Variants in AGMO observed in about 807,000 individuals in gnomAD.
AGMO encodes glyceryl-ether monooxygenase.
A neutral mutation model predicts 60.2 loss-of-function variants in AGMO; 75 were observed. That is an observed-to-expected ratio of 1.25 (90% confidence interval 1.03 to 1.51). The LOEUF (loss-of-function observed/expected upper bound fraction) is 1.51. Among genes scored for constraint, AGMO ranks in the 40% most tolerant of loss-of-function variants. The probability of loss-of-function intolerance (pLI) is 0.00; values close to 1 mark genes in which losing one functional copy is unlikely to be tolerated. For missense variants in AGMO, 763 were observed against 525.5 expected, an observed-to-expected ratio of 1.45 and a Z score of -4.42; for synonymous variants, 261 against 177.1, an observed-to-expected ratio of 1.47 and a Z score of -3.76.
intron 5 of AGMO, 73 bp downstream of exon 5, chr7:15,418,485 T>C: frequency 1.1e-6 from 1 of 877,106 alleles, no homozygotes; most frequent in South Asian, 1.5e-5. Flanking sequence ...ATAAATCATC[T>C]GCTAGTGGAT....
intron 12 of AGMO, among the ~76,000 whole-genome samples, chr7:15,340,045 A>G (rs76052343): frequency 0.011 from 1,646 of 152,306 alleles, 33 homozygotes; most frequent in African/African-American, 0.034. Flanking sequence ...AAGTTGCTTG[A>G]GACTAGAAGT....
intron 5 of AGMO, among the ~76,000 whole-genome samples, chr7:15,398,716 T>A (rs953328071): frequency 1.1e-4 from 16 of 152,170 alleles, no homozygotes; most frequent in African/African-American, 3.6e-4. Context: ...TTTGTATTAA[T>A]TTTTTAGACA....
chr7:15,189,805 T>C, the AGMO span, among the ~76,000 whole-genome samples: 3 of 150,620 alleles, frequency 2.0e-5, no homozygotes, highest in East Asian at 3.9e-4. Flanking sequence ...TTTAAGCTGA[T>C]AGTTTACAGT....
Position 15,276,974 on chromosome 7 carries a change from T to C in AGMO, c.1264-75615A>G, listed in dbSNP as rs529918160. 2.0e-5 allele frequency among the ~76,000 whole-genome samples: 3 copies of C among 152,036 alleles called. No homozygotes were observed. In the East Asian group the frequency reaches 5.8e-4, roughly 29 times the overall value. The stretch of plus-strand genomic sequence containing the variant: ...GTTTCTTTGTGTTGGTTTCCAATCT[T>C]CTCTTGAATCTCATTGAGTTTTCTT... On this transcript the variant is annotated intron_variant, in intron 12 of 12. Transcript: ENST00000342526.
chr7:15,545,017 C>T, intron 2 of AGMO, 94 bp from the exon 3 acceptor site: 1 of 903,874 alleles, frequency 1.1e-6, no homozygotes. Flanking sequence ...TTAATATCTT[C>T]ATATAAAAAA....
chr7:15,314,500 T>C (rs1583396426), intron 12 of AGMO, among the ~76,000 whole-genome samples: 1 of 152,286 alleles, frequency 6.6e-6, no homozygotes, highest in East Asian at 1.9e-4. Context: ...TATTGTACTT[T>C]AAATCACATT....
chr7:15,392,660 G>A (rs1320966243), intron 6 of AGMO, among the ~76,000 whole-genome samples: 6 of 151,946 alleles, frequency 3.9e-5, no homozygotes, highest in Non-Finnish European at 8.8e-5. Context: ...TTAACCACAC[G>A]TGGTGGCTGG....
At chr7:15,326,287 A>C (rs1295591963) in intron 12 of AGMO, among the ~76,000 whole-genome samples, 6 of 152,166 alleles carry the variant, frequency 3.9e-5, no homozygotes, top group Non-Finnish European at 8.8e-5. Flanking sequence ...GCTGTATTTG[A>C]TTACTTACTG....
At chr7:15,374,156 A>G (rs1221429921) in intron 10 of AGMO, among the ~76,000 whole-genome samples, 1 of 151,598 alleles carries the variant, frequency 6.6e-6, no homozygotes, top group African/African-American at 2.4e-5. Context: ...ATGTATAATT[A>G]TATGTGAGTC....
chr7:15,459,281 A>T (rs1782074081), intron 3 of AGMO, among the ~76,000 whole-genome samples: 1 of 152,180 alleles, frequency 6.6e-6, no homozygotes, highest in Admixed American at 6.5e-5. Flanking sequence ...TTTGTAGTGA[A>T]TAAATCAATA....
the AGMO span, among the ~76,000 whole-genome samples, chr7:15,165,372 G>A: frequency 6.6e-6 from 1 of 152,044 alleles, no homozygotes; most frequent in Non-Finnish European, 1.5e-5. Flanking sequence ...TGTACTCCCT[G>A]AATCTATAAA....
chr7:15,559,547 C>G (rs940270437), intron 2 of AGMO, among the ~76,000 whole-genome samples: 4 of 151,956 alleles, frequency 2.6e-5, no homozygotes, highest in African/African-American at 7.3e-5. Flanking sequence ...TAAAGCATGA[C>G]AGGATAAACA....
intron 3 of AGMO, among the ~76,000 whole-genome samples, chr7:15,442,686 G>A (rs932557635): frequency 6.6e-6 from 1 of 151,960 alleles, no homozygotes; most frequent in African/African-American, 2.4e-5. Flanking sequence ...CCACCCCCGG[G>A]GCCTCTACCC....
At position 15,429,900 on chromosome 7, in the gene AGMO, T is replaced by C. The variant is rs181029930; in HGVS notation, c.513+1105A>G. On this transcript the variant is annotated intron_variant, in intron 4 of 12. Coordinates refer to ENST00000342526, the MANE Select transcript of AGMO (RefSeq NM_001004320.2). ...ATCTAGAGAACCATAGGCTTATTTA[T>C]GATGATCAGAAAAGATAACATAAGT... is the stretch of plus-strand genomic sequence containing the variant. Among the ~76,000 whole-genome samples, 322 of 152,158 alleles carry C rather than the reference T, an allele frequency of 2.1e-3. 1 individual carries two copies. The highest frequency in any genetic ancestry group is 7.2e-3 in the African/African-American group (298 of 41,562).
At chr7:15,184,260 GGA>G in the AGMO span, among the ~76,000 whole-genome samples, 1 of 146,820 alleles carries the variant, frequency 6.8e-6, no homozygotes, top group African/African-American at 2.5e-5. Flanking sequence ...AGGGAGGGAG[GGA>G]GAAAGGGAGG....
In AGMO at chr7:15,390,723, A is replaced by C. The variant is rs1784102538; in HGVS notation, c.770T>G (p.Val257Gly). The change falls in exon 8 of 13, where the codon GTT becomes GGT. Residue 257 changes from valine to glycine, a missense_variant. By Grantham distance (109) the Val-to-Gly change is moderately radical. Transcript: ENST00000342526. ...AATGGGATGTGTTAAGCCATATACA[A>C]CTTTTTCATTTTCTGCTTCAAATGT... ...FGTFEAENEK[V>G]VYGLTHPINT... 2 of 1,611,450 alleles carry C rather than the reference A, an allele frequency of 1.2e-6. No homozygotes were observed. The highest frequency in any genetic ancestry group is 3.3e-5 in the Admixed American group (2 of 59,936).
At position 15,390,874 on chromosome 7, in the gene AGMO, A is replaced by G; in HGVS notation, c.708T>C (p.Tyr236=). The G allele has an allele frequency of 6.2e-7, 1 of 1,604,522 alleles. No individual in the cohort carries two copies. Among genetic ancestry groups the G allele is most frequent in the Non-Finnish European group, 8.5e-7 (1 of 1,175,090 alleles). The change falls in exon 7 of 13, where the codon TAT becomes TAC. Residue 236 remains tyrosine, a synonymous_variant. Transcript: ENST00000342526. The stretch of plus-strand genomic sequence containing the variant: ...TATCCCAAATAATAAGAACACCAGC[A>G]TAATTTTTGTCTATGCAATAACGAT... ...GRNRYCIDKN[Y]AGVLIIWDKI... is the part of the protein sequence containing the mutation.
chr7:15,517,776 C>CT (rs149037835), intron 3 of AGMO, among the ~76,000 whole-genome samples: 37 of 151,226 alleles, frequency 2.4e-4, no homozygotes, highest in African/African-American at 5.6e-4. Context: ...AGGAATTTTC[C>CT]TTTTTTTTTG....
At chr7:15,168,309 A>T in the AGMO span, among the ~76,000 whole-genome samples, 14 of 152,344 alleles carry the variant, frequency 9.2e-5, no homozygotes, top group East Asian at 2.7e-3. Context: ...AGAAGTAAAG[A>T]ATCAGAAAAA....
Sources: allele counts gnomAD v4.1 joint callset (sites outside exome capture counted in the v4.1 genomes callset), GRCh38; gene constraint gnomAD v4.1.1; transcripts MANE v1.5; gene names NCBI Gene and HGNC (gene_info 2026-07-23, HGNC 2026-07-21).